SGCZ: variants seen among roughly 807,000 people sequenced by gnomAD.
SGCZ encodes the protein sarcoglycan zeta.
In SGCZ, 40 loss-of-function variants were observed where a neutral mutation model predicts 41.3. The ratio of observed to expected loss-of-function variants is 0.97; its 90% CI spans 0.75 to 1.26. The LOEUF is 1.26. Ranked by LOEUF, SGCZ falls within the 50% of genes most tolerant of loss-of-function variation. The probability of loss-of-function intolerance (pLI) is 0.00; values close to 1 mark genes in which losing one functional copy is unlikely to be tolerated. For synonymous variants in SGCZ, 206 were observed against 137.5 expected, an observed-to-expected ratio of 1.50 and a Z score of -3.49; for missense variants, 552 against 369.8, an observed-to-expected ratio of 1.49 and a Z score of -4.04.
At chr8:14,244,906 G>A (rs187893121) in intron 3 of SGCZ, among the ~76,000 whole-genome samples, 2,019 of 151,954 alleles carry the variant, frequency 0.013, 27 homozygotes, top group African/African-American at 0.034. Flanking sequence ...TCTGTTATTG[G>A]TGTATAAGAA....
At chr8:14,808,552 A>G (rs1275583494) in intron 1 of SGCZ, among the ~76,000 whole-genome samples, 1 of 152,214 alleles carries the variant, frequency 6.6e-6, no homozygotes, top group Non-Finnish European at 1.5e-5. Context: ...ACTAGTTAGA[A>G]TGGCGATCAT....
chr8:14,137,283 C>A (rs116256525), intron 5 of SGCZ, among the ~76,000 whole-genome samples: 1 of 152,234 alleles, frequency 6.6e-6, no homozygotes, highest in African/African-American at 2.4e-5. Context: ...CTCCAAAGAT[C>A]GCAGCTCCTC....
chr8:14,271,935 T>C (rs17118897), intron 3 of SGCZ, among the ~76,000 whole-genome samples: 7,384 of 152,254 alleles, frequency 0.048, 266 homozygotes, highest in East Asian at 0.16. Context: ...AATATGGTGA[T>C]GACCTAATTC....
chr8:15,075,180 C>A (rs936183164), intron 1 of SGCZ, among the ~76,000 whole-genome samples: 1 of 151,234 alleles, frequency 6.6e-6, no homozygotes, highest in Admixed American at 6.6e-5. Flanking sequence ...GCAAAAGTAT[C>A]TTGTTATTTG....
chr8:14,653,627 A>G lies in SGCZ; in HGVS notation c.40-98701T>C, dbSNP rs188737401. Among the ~76,000 whole-genome samples, 54 of 152,190 alleles carry G rather than the reference A, an allele frequency of 3.5e-4. No homozygotes were observed. In the East Asian group the frequency reaches 9.5e-3, roughly 27 times the overall value. The stretch of plus-strand genomic sequence containing the variant: ...TTTGACATAAACTCTATTGAAATCC[A>G]TGTCTATAAGCGACCATGCTATCTT... On this transcript the variant is annotated intron_variant, in intron 1 of 7. Coordinates refer to ENST00000382080, the MANE Select transcript of SGCZ (RefSeq NM_139167.4).
intron 1 of SGCZ, among the ~76,000 whole-genome samples, chr8:14,850,268 T>A (rs1202749179): frequency 6.6e-6 from 1 of 152,192 alleles, no homozygotes; most frequent in East Asian, 1.9e-4. Flanking sequence ...ATGCATGCAC[T>A]GTGCTGGGCC....
intron 3 of SGCZ, among the ~76,000 whole-genome samples, chr8:14,285,180 C>A (rs1324078310): frequency 1.3e-5 from 2 of 152,090 alleles, no homozygotes; most frequent in Non-Finnish European, 2.9e-5. Flanking sequence ...TATTAAAAAT[C>A]TAATAAATCT....
intron 3 of SGCZ, among the ~76,000 whole-genome samples, chr8:14,277,250 G>T (rs28470200): frequency 6.6e-6 from 1 of 152,046 alleles, no homozygotes; most frequent in East Asian, 1.9e-4. Flanking sequence ...TTTTATCCTC[G>T]TAAAGTTCAA....
At chr8:15,096,503 A>G (rs1036721821) in intron 1 of SGCZ, among the ~76,000 whole-genome samples, 1 of 152,150 alleles carries the variant, frequency 6.6e-6, no homozygotes, top group African/African-American at 2.4e-5. Flanking sequence ...ATATGGCAGG[A>G]CTGTGGGCAT....
chr8:14,239,290 C>G (rs1279102787), intron 3 of SGCZ, among the ~76,000 whole-genome samples: 1 of 150,262 alleles, frequency 6.7e-6, no homozygotes, highest in African/African-American at 2.5e-5. Context: ...CACACAAATT[C>G]TATTCAATCT....
At chr8:14,758,005 C>A (rs1799745503) in intron 1 of SGCZ, among the ~76,000 whole-genome samples, 1 of 152,090 alleles carries the variant, frequency 6.6e-6, no homozygotes, top group Non-Finnish European at 1.5e-5. Flanking sequence ...CATGTATATA[C>A]ACATACATCC....
At chr8:14,190,421 C>T (rs1219871975) in intron 4 of SGCZ, among the ~76,000 whole-genome samples, 2 of 151,698 alleles carry the variant, frequency 1.3e-5, no homozygotes, top group African/African-American at 4.8e-5. Flanking sequence ...ATATATATCA[C>T]ACTTTCATTA....
At chr8:15,151,332 A>G (rs1799175527) in intron 1 of SGCZ, among the ~76,000 whole-genome samples, 1 of 152,244 alleles carries the variant, frequency 6.6e-6, no homozygotes, top group African/African-American at 2.4e-5. Context: ...TAAACTGAAA[A>G]TAAGTATTTG....
intron 1 of SGCZ, among the ~76,000 whole-genome samples, chr8:14,670,191 A>G (rs2117507918): frequency 6.6e-6 from 1 of 152,246 alleles, no homozygotes; most frequent in South Asian, 2.1e-4. Context: ...AAAATTAGGG[A>G]AATGTAAGAT....
chr8:14,637,970 A>G (rs192261518), intron 1 of SGCZ, among the ~76,000 whole-genome samples: 7 of 151,980 alleles, frequency 4.6e-5, no homozygotes, highest in Non-Finnish European at 1.0e-4. Flanking sequence ...CAGCTTTGCC[A>G]GTATCTGTTA....
At chr8:14,856,204 C>T (rs566721816) in intron 1 of SGCZ, among the ~76,000 whole-genome samples, 14 of 152,090 alleles carry the variant, frequency 9.2e-5, no homozygotes, top group Non-Finnish European at 1.3e-4. Flanking sequence ...AGTTATTTAG[C>T]GAAGATAAGT....
chr8:15,026,632 A>G (rs959838782), intron 1 of SGCZ, among the ~76,000 whole-genome samples: 2 of 152,216 alleles, frequency 1.3e-5, no homozygotes, highest in African/African-American at 2.4e-5. Flanking sequence ...TCGATTGCCA[A>G]TCAGAGCTCA....
intron 2 of SGCZ, among the ~76,000 whole-genome samples, chr8:14,462,558 T>C (rs1585547892): frequency 2.0e-5 from 3 of 151,946 alleles, no homozygotes; most frequent in Admixed American, 2.0e-4. Context: ...TTAAAAATTC[T>C]GTATTCTATT....
chr8:14,605,609 C>A (rs1045661552), intron 1 of SGCZ, among the ~76,000 whole-genome samples: 1 of 152,104 alleles, frequency 6.6e-6, no homozygotes, highest in South Asian at 2.1e-4. Context: ...CTCTATCTCC[C>A]TAAGTTCAAT....
Sources: gnomAD v4.1 joint callset for allele counts (sites outside exome capture counted in the v4.1 genomes callset) on GRCh38, gnomAD v4.1.1 for gene constraint, MANE v1.5 for transcripts, NCBI Gene and HGNC (gene_info 2026-07-23, HGNC 2026-07-21) for gene names.